The following CAB39L variants were observed in gnomAD, a reference collection of about 807,000 sequenced individuals.
The protein encoded by CAB39L is calcium-binding protein 39-like.
A neutral mutation model predicts 39.1 loss-of-function variants in CAB39L; 23 were observed. The ratio of observed to expected loss-of-function variants is 0.59; its 90% CI spans 0.42 to 0.83. The LOEUF is 0.83. Among genes scored for constraint, CAB39L ranks in the 40% least tolerant of loss-of-function variants. The probability of loss-of-function intolerance (pLI) is 0.00; values close to 1 mark genes in which losing one functional copy is unlikely to be tolerated. For synonymous variants in CAB39L, 126 were observed against 137.2 expected (o/e 0.92, Z 0.57); for missense variants, 366 against 391.9 (o/e 0.93, Z 0.56).
intron 5 of CAB39L, among the ~76,000 whole-genome samples, chr13:49,372,548 C>T (rs1287508252): frequency 6.6e-6 from 1 of 152,182 alleles, no homozygotes; most frequent in African/African-American, 2.4e-5. Flanking sequence ...CCCCTGCTCC[C>T]AGCGCCCTTC....
At chr13:49,327,471 T>G (rs185200129) in intron 10 of CAB39L, among the ~76,000 whole-genome samples, 1 of 151,642 alleles carries the variant, frequency 6.6e-6, no homozygotes, top group South Asian at 2.1e-4. Flanking sequence ...ACCTGGCTAA[T>G]TTTTGTGTTT....
At chr13:49,347,914 G>A (rs149363865) in intron 7 of CAB39L, among the ~76,000 whole-genome samples, 1 of 151,622 alleles carries the variant, frequency 6.6e-6, no homozygotes, top group African/African-American at 2.4e-5. Flanking sequence ...CGAGATTTCA[G>A]TTTCCTTACT....
chr13:49,390,517 G>A (rs572562120), intron 3 of CAB39L, among the ~76,000 whole-genome samples: 46 of 152,094 alleles, frequency 3.0e-4, no homozygotes, highest in Non-Finnish European at 6.0e-4. Flanking sequence ...AGAATCATGA[G>A]GTGTTTGATG....
chr13:49,441,445 T>C (rs1957521616), intron 1 of CAB39L, among the ~76,000 whole-genome samples: 1 of 151,820 alleles, frequency 6.6e-6, no homozygotes, highest in Non-Finnish European at 1.5e-5. Flanking sequence ...CACATATCTA[T>C]AGTCCCAGCT....
At chr13:49,346,075 G>GATAT (rs10576159) in intron 7 of CAB39L, among the ~76,000 whole-genome samples, 9 of 81,514 alleles carry the variant, frequency 1.1e-4, no homozygotes, top group African/African-American at 2.8e-4. Context: ...ATATATGCTA[G>GATAT]ATATATATAT....
intron 8 of CAB39L, among the ~76,000 whole-genome samples, chr13:49,341,718 TAGAAG>T (rs746427586): frequency 2.0e-5 from 3 of 152,146 alleles, no homozygotes; most frequent in African/African-American, 4.8e-5. Flanking sequence ...TCAAAATAGC[TAGAAG>T]AGAAGATTTG....
intron 3 of CAB39L, among the ~76,000 whole-genome samples, chr13:49,428,498 T>C (rs113429571): frequency 4.6e-5 from 7 of 152,152 alleles, no homozygotes; most frequent in Non-Finnish European, 8.8e-5. Context: ...GAAGAATGAA[T>C]CCACAGGGCG....
chr13:49,406,820 C>T (rs12428391), intron 3 of CAB39L, among the ~76,000 whole-genome samples: 63,594 of 151,826 alleles, frequency 0.42, 13,613 homozygotes, highest in Middle Eastern at 0.53. Context: ...GATATATTTG[C>T]CTACTCTTTC....
At chr13:49,313,683 C>T (rs1460519883) in intron 10 of CAB39L, among the ~76,000 whole-genome samples, 1 of 152,196 alleles carries the variant, frequency 6.6e-6, no homozygotes, top group Non-Finnish European at 1.5e-5. Context: ...CTGCTACATA[C>T]ATGACCACAT....
chr13:49,442,808 A>C (rs938286314), intron 1 of CAB39L, among the ~76,000 whole-genome samples: 78 of 149,346 alleles, frequency 5.2e-4, no homozygotes, highest in Middle Eastern at 3.4e-3. Flanking sequence ...AAAAAAAAAA[A>C]AAAAAAAAAA....
rs1566146939 is a variant in CAB39L at position 49,443,553 on chromosome 13, C to T, written c.-246+433G>A. Among the ~76,000 whole-genome samples the T allele has an allele frequency of 1.3e-5, 2 of 152,302 alleles. 1 individual carries two copies. Among genetic ancestry groups the T allele is most frequent in the East Asian group, 3.9e-4 (2 of 5,176 alleles). ...GTAGAGAGGCACTCCCCTTCCACTA[C>T]TAGCTTTGCTCCTTTCTCAATCAGG... On this transcript the variant is annotated intron_variant, in intron 1 of 10. Transcript: ENST00000409308.
chr13:49,426,609 T>A (rs1957249165), intron 3 of CAB39L, among the ~76,000 whole-genome samples: 1 of 152,272 alleles, frequency 6.6e-6, no homozygotes, highest in Admixed American at 6.5e-5. Flanking sequence ...ATATTTTTAG[T>A]AGAGACGGGG....
chr13:49,323,277 A>T (rs1386122353), intron 10 of CAB39L, among the ~76,000 whole-genome samples: 1 of 152,218 alleles, frequency 6.6e-6, no homozygotes, highest in Non-Finnish European at 1.5e-5. Flanking sequence ...TTTGTGCATC[A>T]GGGGCCTTCA....
chr13:49,357,223 T>C (rs1416180801), intron 6 of CAB39L, among the ~76,000 whole-genome samples: 1 of 152,150 alleles, frequency 6.6e-6, no homozygotes, highest in Admixed American at 6.5e-5. Flanking sequence ...CAGATCTGCA[T>C]GGAAAACTAG....
intron 5 of CAB39L, among the ~76,000 whole-genome samples, chr13:49,370,173 A>T (rs1261761695): frequency 6.6e-6 from 1 of 152,060 alleles, no homozygotes; most frequent in Non-Finnish European, 1.5e-5. Context: ...CTTGCTGGGG[A>T]CTAAAATTCA....
rs181237079 is a variant in CAB39L at position 49,397,564 on chromosome 13, A to C, written c.-31-14623T>G. Among the ~76,000 whole-genome samples the C allele has an allele frequency of 2.5e-3, 376 of 152,258 alleles. 2 individuals are homozygous for C. The highest frequency in any genetic ancestry group is 4.1e-3 in the Non-Finnish European group (277 of 67,960). On this transcript the variant is annotated intron_variant, in intron 3 of 10. Coordinates refer to ENST00000409308, the MANE Select transcript of CAB39L (RefSeq NM_001079670.3). ...TATAAAGTTAGGAATATATACAACT[A>C]CTACTACATTTATTATCTAAGGATC...
chr13:49,346,847 T>C (rs1166663157), intron 7 of CAB39L, among the ~76,000 whole-genome samples: 1 of 152,202 alleles, frequency 6.6e-6, no homozygotes, highest in African/African-American at 2.4e-5. Context: ...ACTTCTATTA[T>C]GGGAATTTTT....
chr13:49,344,319 A>C, intron 7 of CAB39L, 81 bp from the exon 8 acceptor site: 1 of 789,112 alleles, frequency 1.3e-6, no homozygotes. Flanking sequence ...GTTTAAGAAC[A>C]TATAAAAGTT....
chr13:49,378,600 CT>C (rs1244893556), intron 4 of CAB39L, among the ~76,000 whole-genome samples: 1 of 75,840 alleles, frequency 1.3e-5, no homozygotes, highest in Non-Finnish European at 2.7e-5. Context: ...GGGGTCAGCC[CT>C]CCGCCCGGCC....
Sources: allele counts gnomAD v4.1 joint callset (sites outside exome capture counted in the v4.1 genomes callset), GRCh38; gene constraint gnomAD v4.1.1; transcripts MANE v1.5; gene names NCBI Gene and HGNC (gene_info 2026-07-23, HGNC 2026-07-21).